The following NCR3LG1 variants were observed in gnomAD, a reference collection of about 807,000 sequenced individuals.
The protein encoded by NCR3LG1 is natural cytotoxicity triggering receptor 3 ligand 1.
A neutral mutation model predicts 34.8 loss-of-function variants in NCR3LG1; 35 were observed. The observed-to-expected ratio is 1.01, with a 90% CI of 0.77 to 1.33. NCR3LG1 has a LOEUF of 1.33. Among genes scored for constraint, NCR3LG1 ranks in the 40% most tolerant of loss-of-function variants. The probability of loss-of-function intolerance (pLI) is 0.00; values close to 1 mark genes in which losing one functional copy is unlikely to be tolerated. For missense variants in NCR3LG1, 452 were observed against 423.3 expected (o/e 1.07, Z -0.60); for synonymous variants, 173 against 163.6 (o/e 1.06, Z -0.44).
At chr11:17,367,477 C>T (rs953986209) in intron 3 of NCR3LG1, 130 bp downstream of exon 3, 1 of 794,464 alleles carries the variant, frequency 1.3e-6, no homozygotes, top group Non-Finnish European at 1.9e-6. Flanking sequence ...CTGGAAGGAC[C>T]AAGCTGGAGT....
intron 2 of NCR3LG1, among the ~76,000 whole-genome samples, chr11:17,363,523 C>CCTCT (rs1953307190): frequency 1.3e-5 from 1 of 76,800 alleles, no homozygotes; most frequent in Non-Finnish European, 2.5e-5. Flanking sequence ...TCCCTCCCTC[C>CCTCT]CTCCCTCCCT....
chr11:17,354,036 A>G (rs1445103919), intron 1 of NCR3LG1, among the ~76,000 whole-genome samples: 1 of 152,260 alleles, frequency 6.6e-6, no homozygotes, highest in African/African-American at 2.4e-5. Context: ...AAGAGATTCT[A>G]GCCCGTCTTT....
Position 17,362,752 on chromosome 11 carries a change from CTTT to C in NCR3LG1, c.422-4256_422-4254del, listed in dbSNP as rs1564856508. Among the ~76,000 whole-genome samples the C allele has an allele frequency of 8.0e-4, 84 of 105,484 alleles. 1 individual carries two copies. The highest frequency in any genetic ancestry group is 3.8e-3 in the East Asian group (16 of 4,174). The allele number at this position is 105,484 out of a possible 152,430, so 69.2% of individuals were successfully genotyped here. The stretch of plus-strand genomic sequence containing the variant: ...TCTTTCTTTCTTTCTTTCTTTCTTT[CTTT>C]CTTTCTTTCTTTCCTTCCTTCCTTC... On this transcript the variant is annotated intron_variant, in intron 2 of 4. Coordinates refer to ENST00000338965, the MANE Select transcript of NCR3LG1 (RefSeq NM_001202439.3).
chr11:17,367,285 C>T lies in NCR3LG1; in HGVS notation c.698C>T (p.Ala233Val), dbSNP rs11024269. Reference sequence around the variant, plus strand: ...GTCTACCAGTGTGTGGTACGGCATGCGTCCTTGCATACCCCCTTGAGGAGC... The same window carrying T: ...GTCTACCAGTGTGTGGTACGGCATGTGTCCTTGCATACCCCCTTGAGGAGC... ...GTVYQCVVRH[A>V]SLHTPLRSNF... The change falls in exon 3 of 5, where the codon GCG (alanine) becomes GTG (valine). Residue 233 changes from alanine (A) to valine (V), a missense_variant. By Grantham distance (64) the Ala-to-Val change is moderately conservative. Coordinates refer to ENST00000338965, the MANE Select transcript of NCR3LG1 (RefSeq NM_001202439.3). 24 of 1,536,042 alleles carry T rather than the reference C, an allele frequency of 1.6e-5. No homozygotes were observed. Among genetic ancestry groups the T allele is most frequent in the Non-Finnish European group, 1.7e-5 (20 of 1,146,918 alleles).
Position 17,377,042 on chromosome 11 carries a change from G to C in NCR3LG1, c.*4530G>C, listed in dbSNP as rs1473359230. On this transcript the variant is annotated 3_prime_UTR_variant, in exon 5 of 5. Coordinates refer to ENST00000338965, the MANE Select transcript of NCR3LG1 (RefSeq NM_001202439.3). ...AGACATGCACCCTCATGGGATTCCAGACCCCCTGTATGATGCTTAGTAGTA... is the reference window on the plus strand; with the variant it reads ...AGACATGCACCCTCATGGGATTCCACACCCCCTGTATGATGCTTAGTAGTA... The C allele has an allele frequency of 6.6e-6, 1 of 152,124 alleles. No homozygotes were observed. The highest frequency in any genetic ancestry group is 2.4e-5 in the African/African-American group (1 of 41,414). 9.4% of individuals were successfully genotyped at this position (152,124 alleles called of 1,614,324 possible).
At chr11:17,377,867 T>C (rs1465277958), downstream of NCR3LG1, among the ~76,000 whole-genome samples, 1 of 152,186 alleles carries the variant, frequency 6.6e-6, no homozygotes, top group Non-Finnish European at 1.5e-5. Context: ...TCTTTTCTAG[T>C]GAGTGTGCTA....
intron 1 of NCR3LG1, 137 bp downstream of exon 1, chr11:17,352,176 C>T (rs189979139): frequency 1.7e-5 from 8 of 474,072 alleles, no homozygotes; most frequent in African/African-American, 1.6e-4. Flanking sequence ...TATTTCTTCT[C>T]CTTTTTTTTT....
intron 4 of NCR3LG1, 140 bp downstream of exon 4, chr11:17,369,104 T>C: frequency 1.6e-6 from 1 of 606,648 alleles, no homozygotes; most frequent in South Asian, 2.1e-5. Flanking sequence ...CCATCAGGTG[T>C]TGGGAATGTT....
At chr11:17,362,830 CTTTCTTCA>C (rs1473928935) in intron 2 of NCR3LG1, among the ~76,000 whole-genome samples, 5 of 143,358 alleles carry the variant, frequency 3.5e-5, no homozygotes, top group Non-Finnish European at 7.6e-5. Context: ...TCCTTTCTTC[CTTTCTTCA>C]TTTCTTCATT....
At chr11:17,366,389 C>A (rs1316872619) in intron 2 of NCR3LG1, among the ~76,000 whole-genome samples, 1 of 152,114 alleles carries the variant, frequency 6.6e-6, no homozygotes, top group Non-Finnish European at 1.5e-5. Context: ...GTTGCTCTTG[C>A]CACTTTTGCA....
chr11:17,354,554 T>C lies in NCR3LG1; in HGVS notation c.71-2097T>C, dbSNP rs1439621960. On this transcript the variant is annotated intron_variant, in intron 1 of 4. Transcript: ENST00000338965. ...CCCCCCAATTCTTCTTCTTTTTTTT[T>C]TTTTTTTTTTTTTTTTTTTGGTAGT... Among the ~76,000 whole-genome samples, 139 of 143,940 alleles carry C rather than the reference T, an allele frequency of 9.7e-4. 3 individuals are homozygous for C. The highest frequency in any genetic ancestry group is 3.5e-3 in the Middle Eastern group (1 of 286). 94.4% of individuals were successfully genotyped at this position (143,940 alleles called of 152,430 possible).
At position 17,372,444 on chromosome 11, in the gene NCR3LG1, C is replaced by G. The variant is rs1228185559; in HGVS notation, c.1297C>G (p.Pro433Ala). 1.3e-5 allele frequency: 9 copies of G among 703,328 alleles called. No homozygotes were observed. The Admixed American group carries it at 1.8e-4, about 14-fold the overall frequency. 43.6% of individuals were successfully genotyped at this position (703,328 alleles called of 1,614,324 possible). A position where few individuals can be genotyped will look rare whatever the true frequency, so the allele number is the denominator to read the frequency against. Residue 433 changes from proline (P) to alanine (A), a missense_variant, in exon 5 of 5, where the codon CCA becomes GCA. By Grantham distance (27) the Pro-to-Ala change is conservative. Coordinates refer to ENST00000338965, the MANE Select transcript of NCR3LG1 (RefSeq NM_001202439.3). ...LPVSPIWEPP[P>A]ATTSTTPVLS... The stretch of plus-strand genomic sequence containing the variant: ...TGTCTCCCCTATCTGGGAACCTCCT[C>G]CAGCCACAACATCAACAACTCCAGT...
chr11:17,353,246 T>C (rs1221958431), intron 1 of NCR3LG1, among the ~76,000 whole-genome samples: 1 of 152,228 alleles, frequency 6.6e-6, no homozygotes. Context: ...TTAAACACCT[T>C]AGAATGGCTG....
Position 17,372,035 on chromosome 11 carries a change from T to A in NCR3LG1, c.888T>A (p.Thr296=), listed in dbSNP as rs989792461. The part of the protein sequence containing the change: ...KICNKSSSAY[T]PLKCILKHWN... ...GTAACAAATCATCTTCAGCCTATAC[T>A]CCTCTCAAGTGCATTCTGAAACACT... The change falls in exon 5 of 5, where the codon ACT becomes ACA. Residue 296 remains threonine (T), a synonymous_variant. Coordinates refer to ENST00000338965, the MANE Select transcript of NCR3LG1 (RefSeq NM_001202439.3). 1.4e-6 allele frequency: 1 copy of A among 702,196 alleles called. No homozygotes were observed. The highest frequency in any genetic ancestry group is 2.6e-6 in the Non-Finnish European group (1 of 384,918). 43.5% of individuals were successfully genotyped at this position (702,196 alleles called of 1,614,324 possible). A position where few individuals can be genotyped will look rare whatever the true frequency, so the allele number is the denominator to read the frequency against.
chr11:17,367,446 G>A (rs914694712), intron 3 of NCR3LG1, 99 bp downstream of exon 3: 1 of 1,027,698 alleles, frequency 9.7e-7, no homozygotes, highest in Non-Finnish European at 1.4e-6. Context: ...GGGACTGAAG[G>A]GGAAACAGAG....
At position 17,356,136 on chromosome 11, in the gene NCR3LG1, CTTTTTTT is replaced by C. The variant is rs71457872; in HGVS notation, c.71-502_71-496del. On this transcript the variant is annotated intron_variant, in intron 1 of 4. Coordinates refer to ENST00000338965, the MANE Select transcript of NCR3LG1 (RefSeq NM_001202439.3). ...TCTTTTTCTTTTCTTTTCTTTCTTT[CTTTTTTT>C]TTTTTTTTTTTTGAGACAGAGTGTC... 9.6e-5 allele frequency among the ~76,000 whole-genome samples: 10 copies of C among 104,548 alleles called. 1 individual carries two copies. In the South Asian group the frequency reaches 3.1e-3, roughly 32 times the overall value. 68.6% of individuals were successfully genotyped at this position (104,548 alleles called of 152,430 possible).
In NCR3LG1 at chr11:17,376,274, TG is replaced by T. The variant is rs1051385269; in HGVS notation, c.*3763del. On this transcript the variant is annotated 3_prime_UTR_variant, in exon 5 of 5. Transcript: ENST00000338965. ...TCCCATGCCCAACAGAAAAGGCCTC[TG>T]AGGTGGTGAGAATACTAATTAGTTA... The T allele has an allele frequency of 3.3e-5, 5 of 152,204 alleles. No homozygotes were observed. Among genetic ancestry groups the T allele is most frequent in the Non-Finnish European group, 7.3e-5 (5 of 68,030 alleles). 9.4% of individuals were successfully genotyped at this position (152,204 alleles called of 1,614,324 possible).
intron 2 of NCR3LG1, among the ~76,000 whole-genome samples, chr11:17,361,131 A>T (rs1159074060): frequency 6.6e-6 from 1 of 152,108 alleles, no homozygotes; most frequent in Admixed American, 6.6e-5. Flanking sequence ...AGGTAGTGTT[A>T]GTCCCTCATT....
chr11:17,367,816 C>T (rs1229343598), intron 3 of NCR3LG1, among the ~76,000 whole-genome samples: 1 of 143,620 alleles, frequency 7.0e-6, no homozygotes, highest in Non-Finnish European at 1.5e-5. Flanking sequence ...ACTCAGTAGT[C>T]TTGTCTTTTT....
Sources: gnomAD v4.1 joint callset for allele counts (sites outside exome capture counted in the v4.1 genomes callset) on GRCh38, gnomAD v4.1.1 for gene constraint, MANE v1.5 for transcripts, NCBI Gene and HGNC (gene_info 2026-07-23, HGNC 2026-07-21) for gene names.